DNAAF9: variants seen among roughly 807,000 people sequenced by gnomAD.
DNAAF9 encodes dynein axonemal assembly factor 9, also known as shulin.
A neutral mutation model predicts 167.0 loss-of-function variants in DNAAF9; 90 were observed. That is an observed-to-expected ratio of 0.54 (90% CI 0.45 to 0.64). The LOEUF (loss-of-function observed/expected upper bound fraction) is 0.64. Ranked by LOEUF, DNAAF9 falls within the 30% of genes least tolerant of loss-of-function variation. DNAAF9 has a pLI of 0.00. For synonymous variants in DNAAF9, 491 were observed against 508.8 expected (o/e 0.96, Z 0.47); for missense variants, 1,315 against 1,442.2 (o/e 0.91, Z 1.43).
chr20:3,310,563 T>C (rs2069396388), intron 20 of DNAAF9, among the ~76,000 whole-genome samples: 1 of 151,836 alleles, frequency 6.6e-6, no homozygotes, highest in Admixed American at 6.6e-5. Flanking sequence ...TGCACGCCTG[T>C]AGTCCCAGCT....
intron 18 of DNAAF9, chr20:3,316,202 C>T (rs2069497540): frequency 9.3e-6 from 2 of 214,480 alleles, no homozygotes; most frequent in South Asian, 1.7e-4. Context: ...AATGTGAGCA[C>T]TCTCAAGAAG....
chr20:3,265,208 T>C (rs1600669570), intron 30 of DNAAF9, among the ~76,000 whole-genome samples: 1 of 152,120 alleles, frequency 6.6e-6, no homozygotes, highest in South Asian at 2.1e-4. Flanking sequence ...TGGAGAAGCA[T>C]GAACATACAT....
rs139116414 is a variant in DNAAF9 at position 3,264,409 on chromosome 20, CTTAG to C, written c.2873+25_2873+28del. On this transcript the variant is annotated intron_variant, in intron 31 of 36. Coordinates refer to ENST00000252032, the MANE Select transcript of DNAAF9 (RefSeq NM_001009984.3). ...TAAATCATTGGGTTTACAAAAAAAT[CTTAG>C]TTATTTTTCAATGATGATACTTGCC... The C allele has an allele frequency of 2.2e-3, 2,083 of 948,100 alleles. 29 individuals carry two copies. In the African/African-American group the frequency reaches 0.031, roughly 14 times the overall value. The allele number at this position is 948,100 out of a possible 1,614,324, so 58.7% of individuals were successfully genotyped here.
Position 3,383,271 on chromosome 20 carries a change from C to CTTTTTT in DNAAF9, c.84-771_84-766dup, listed in dbSNP as rs11087581. On this transcript the variant is annotated intron_variant, in intron 1 of 36. Transcript: ENST00000252032. ...TGCCTCTAATACTCATTCCCTAACA[C>CTTTTTT]TTTTTTTTTTTTTTTTTTTTGAGAT... is the stretch of plus-strand genomic sequence containing the variant. Among the ~76,000 whole-genome samples the CTTTTTT allele has an allele frequency of 8.2e-3, 940 of 114,318 alleles. 14 individuals carry two copies. Among genetic ancestry groups the CTTTTTT allele is most frequent in the African/African-American group, 0.018 (533 of 28,998 alleles). 75.0% of individuals were successfully genotyped at this position (114,318 alleles called of 152,430 possible).
chr20:3,370,290 G>C (rs2083490164), intron 6 of DNAAF9, among the ~76,000 whole-genome samples: 1 of 152,096 alleles, frequency 6.6e-6, no homozygotes, highest in South Asian at 2.1e-4. Flanking sequence ...TCACTCTGTT[G>C]CTCAGGCTGG....
At chr20:3,255,079 T>C in intron 35 of DNAAF9, 140 bp downstream of exon 35, 1 of 604,122 alleles carries the variant, frequency 1.7e-6, no homozygotes, top group African/African-American at 1.8e-5. Flanking sequence ...GTACGCAGCT[T>C]CCCTCTGTGG....
chr20:3,280,523 C>T (rs1161407679), intron 28 of DNAAF9, among the ~76,000 whole-genome samples: 2 of 151,542 alleles, frequency 1.3e-5, no homozygotes, highest in East Asian at 3.9e-4. Context: ...TGGGATCATG[C>T]CACTGCACTC....
chr20:3,332,893 TGC>T (rs564349404), intron 10 of DNAAF9, among the ~76,000 whole-genome samples: 28,033 of 133,336 alleles, frequency 0.21, 2,965 homozygotes, highest in African/African-American at 0.3. Context: ...TGTGCGTGTG[TGC>T]GTGTGGTGTG....
At chr20:3,305,484 G>C (rs1361560628) in intron 20 of DNAAF9, among the ~76,000 whole-genome samples, 1 of 152,226 alleles carries the variant, frequency 6.6e-6, no homozygotes, top group East Asian at 1.9e-4. Context: ...CAAGGCAAAG[G>C]CCAAGAGATA....
intron 27 of DNAAF9, among the ~76,000 whole-genome samples, 166 bp downstream of exon 27, chr20:3,287,466 T>A (rs565393365): frequency 6.6e-6 from 1 of 152,374 alleles, no homozygotes; most frequent in South Asian, 2.1e-4. Context: ...CTATAGGCCA[T>A]AGGATGGCAA....
At chr20:3,303,737 C>T (rs567794819) in intron 21 of DNAAF9, among the ~76,000 whole-genome samples, 1 of 152,226 alleles carries the variant, frequency 6.6e-6, no homozygotes, top group Non-Finnish European at 1.5e-5. Flanking sequence ...TGAGACCAGG[C>T]AGAGTGGTGG....
At chr20:3,261,625 C>A (rs1410174654) in intron 31 of DNAAF9, among the ~76,000 whole-genome samples, 1 of 151,978 alleles carries the variant, frequency 6.6e-6, no homozygotes, top group Admixed American at 6.6e-5. Context: ...CTTGGCCTCC[C>A]AAAGTGCTGG....
At chr20:3,365,609 C>T (rs1316572128) in intron 6 of DNAAF9, among the ~76,000 whole-genome samples, 1 of 152,104 alleles carries the variant, frequency 6.6e-6, no homozygotes, top group East Asian at 1.9e-4. Context: ...TCAGGCTGGT[C>T]TTGAACTTCT....
chr20:3,282,397 C>T (rs2068778616), intron 27 of DNAAF9, among the ~76,000 whole-genome samples: 1 of 152,152 alleles, frequency 6.6e-6, no homozygotes, highest in African/African-American at 2.4e-5. Flanking sequence ...TGCTTACACC[C>T]CCAAGCTCCC....
At chr20:3,352,296 C>T (rs1370529208) in intron 7 of DNAAF9, among the ~76,000 whole-genome samples, 4 of 152,144 alleles carry the variant, frequency 2.6e-5, no homozygotes, top group African/African-American at 7.2e-5. Flanking sequence ...TAAACCAATC[C>T]TTTTGGGTCT....
rs2083574573 is a variant in DNAAF9, at chr20:3,376,298, T to C, written c.288A>G (p.Val96=). Residue 96 remains valine, a synonymous_variant, in exon 4 of 37, where the codon GTA becomes GTG. Transcript: ENST00000252032. ...CGCTATCCGATTTAATCAATATAAT[T>C]ACATCTGTAAGAAAAACAAAATCAA... ...TGFSEEVLDD[V]IILIKSDSVH... is the part of the protein sequence containing the mutation. 1 of 1,599,388 alleles carries C rather than the reference T, an allele frequency of 6.3e-7. No individual in the cohort carries two copies.
At chr20:3,327,825 G>A (rs2069739553) in intron 12 of DNAAF9, among the ~76,000 whole-genome samples, 1 of 152,140 alleles carries the variant, frequency 6.6e-6, no homozygotes, top group African/African-American at 2.4e-5. Flanking sequence ...TGCACCACAT[G>A]CAGGACATGA....
At chr20:3,328,391 A>C (rs1455187839) in intron 12 of DNAAF9, among the ~76,000 whole-genome samples, 1 of 152,072 alleles carries the variant, frequency 6.6e-6, no homozygotes, top group Non-Finnish European at 1.5e-5. Flanking sequence ...CATCTTGGCC[A>C]GGTTGGTTTC....
intron 1 of DNAAF9, among the ~76,000 whole-genome samples, chr20:3,388,955 G>A (rs1386219002): frequency 6.6e-6 from 1 of 152,094 alleles, no homozygotes; most frequent in African/African-American, 2.4e-5. Flanking sequence ...TTTATGGCAT[G>A]TGTATTTTTC....
Sources: gnomAD v4.1 joint callset for allele counts (sites outside exome capture counted in the v4.1 genomes callset) on GRCh38, gnomAD v4.1.1 for gene constraint, MANE v1.5 for transcripts, NCBI Gene and HGNC (gene_info 2026-07-23, HGNC 2026-07-21) for gene names.